The following LARP1B variants were observed in gnomAD, a reference collection of about 807,000 sequenced individuals.
LARP1B encodes the protein la-related protein 1B.
LARP1B carries 76 observed loss-of-function variants against 114.2 expected under a neutral mutation model. The ratio of observed to expected loss-of-function variants is 0.67; its 90% CI spans 0.55 to 0.81. The LOEUF is 0.81. Ranked by LOEUF, LARP1B falls within the 30% of genes least tolerant of loss-of-function variation. LARP1B has a pLI of 0.00. For missense variants in LARP1B, 1,014 were observed against 1,075.8 expected (o/e 0.94, Z 0.80); for synonymous variants, 345 against 348.0 (o/e 0.99, Z 0.10).
intron 11 of LARP1B, among the ~76,000 whole-genome samples, chr4:128,131,110 T>C (rs778166206): frequency 1.3e-5 from 2 of 152,186 alleles, no homozygotes; most frequent in African/African-American, 2.4e-5. Context: ...ATACATGTCA[T>C]TGTACACTTC....
At chr4:128,147,921 C>CT (rs1041090387) in intron 11 of LARP1B, among the ~76,000 whole-genome samples, 1 of 151,736 alleles carries the variant, frequency 6.6e-6, no homozygotes, top group African/African-American at 2.4e-5. Context: ...GAGTTTACAA[C>CT]TTTTTTTTGA....
At chr4:128,075,584 A>G (rs917993436) in intron 3 of LARP1B, among the ~76,000 whole-genome samples, 3 of 140,112 alleles carry the variant, frequency 2.1e-5, no homozygotes, top group Admixed American at 7.3e-5. Flanking sequence ...GTCTCACTCC[A>G]TTACCCAGGC....
chr4:128,063,030 T>C (rs1760888141), intron 1 of LARP1B, among the ~76,000 whole-genome samples: 1 of 152,212 alleles, frequency 6.6e-6, no homozygotes, highest in Admixed American at 6.5e-5. Flanking sequence ...TTGTCAGCTC[T>C]CCTTCCCTTT....
chr4:128,219,733 C>T (rs1381934461), intron 6 of LARP1B, among the ~76,000 whole-genome samples: 2 of 147,614 alleles, frequency 1.4e-5, no homozygotes, highest in Non-Finnish European at 3.0e-5. Flanking sequence ...CAGCATGGCA[C>T]ATGTATACAT....
chr4:128,146,187 G>A, intron 11 of LARP1B, among the ~76,000 whole-genome samples: 1 of 152,114 alleles, frequency 6.6e-6, no homozygotes, highest in Non-Finnish European at 1.5e-5. Flanking sequence ...TTGAATGTGT[G>A]GACTATGAGA....
At chr4:128,167,112 T>G (rs1741456656) in intron 12 of LARP1B, among the ~76,000 whole-genome samples, 1 of 151,244 alleles carries the variant, frequency 6.6e-6, no homozygotes, top group African/African-American at 2.4e-5. Flanking sequence ...AGTGGACTCA[T>G]ACTTTAGTTG....
chr4:128,162,055 C>T, intron 11 of LARP1B, 139 bp from the exon 12 acceptor site: 1 of 666,532 alleles, frequency 1.5e-6, no homozygotes. Flanking sequence ...ATGCTAGACT[C>T]TTTATTAGAA....
chr4:128,163,740 A>G (rs1267400554), intron 12 of LARP1B, among the ~76,000 whole-genome samples: 1 of 152,160 alleles, frequency 6.6e-6, no homozygotes, highest in East Asian at 1.9e-4. Context: ...TCATAAATAC[A>G]TGAGATGGGT....
chr4:128,201,127 G>A (rs961437863), intron 17 of LARP1B, among the ~76,000 whole-genome samples: 2 of 152,040 alleles, frequency 1.3e-5, no homozygotes, highest in Non-Finnish European at 2.9e-5. Flanking sequence ...TTTACAATAC[G>A]GTTTCACCCT....
At chr4:128,100,474 A>G (rs1481494977) in intron 8 of LARP1B, among the ~76,000 whole-genome samples, 1 of 150,116 alleles carries the variant, frequency 6.7e-6, no homozygotes, top group African/African-American at 2.5e-5. Context: ...GGGTTTCACC[A>G]TGTTGGCCAG....
chr4:128,084,496 G>A (rs1772486505), intron 5 of LARP1B, among the ~76,000 whole-genome samples: 1 of 152,164 alleles, frequency 6.6e-6, no homozygotes, highest in Non-Finnish European at 1.5e-5. Flanking sequence ...GTGGTGGCGC[G>A]CGCCTGCAAT....
At chr4:128,174,087 C>A (rs1744936532) in intron 12 of LARP1B, among the ~76,000 whole-genome samples, 1 of 152,074 alleles carries the variant, frequency 6.6e-6, no homozygotes, top group Admixed American at 6.6e-5. Flanking sequence ...TTGCATGTAT[C>A]AGTAACTTTC....
intron 15 of LARP1B, among the ~76,000 whole-genome samples, chr4:128,188,168 G>A (rs984639958): frequency 6.6e-6 from 1 of 151,328 alleles, no homozygotes; most frequent in Non-Finnish European, 1.5e-5. Flanking sequence ...TCCGCCTCCC[G>A]GGTTCAAGTG....
intron 12 of LARP1B, among the ~76,000 whole-genome samples, chr4:128,172,157 A>C (rs970202410): frequency 6.6e-6 from 1 of 151,562 alleles, no homozygotes; most frequent in Non-Finnish European, 1.5e-5. Context: ...ATTTTTTTTC[A>C]ATTTCTTTTT....
intron 10 of LARP1B, among the ~76,000 whole-genome samples, chr4:128,116,215 T>C (rs1186787177): frequency 6.6e-6 from 1 of 152,206 alleles, no homozygotes; most frequent in Non-Finnish European, 1.5e-5. Context: ...ACATATGTGA[T>C]AGGATTGCTT....
intron 15 of LARP1B, among the ~76,000 whole-genome samples, chr4:128,198,386 T>G (rs1052208996): frequency 6.6e-6 from 1 of 152,236 alleles, no homozygotes; most frequent in African/African-American, 2.4e-5. Flanking sequence ...ATTTCATGTT[T>G]GTCACACACA....
chr4:128,145,278 G>A (rs1182383249), intron 11 of LARP1B, among the ~76,000 whole-genome samples: 8 of 152,096 alleles, frequency 5.3e-5, no homozygotes, highest in African/African-American at 1.4e-4. Flanking sequence ...TTATTCTCTA[G>A]ACTCGAGTGT....
chr4:128,112,950 A>G (rs1377544881), intron 9 of LARP1B, among the ~76,000 whole-genome samples: 1 of 152,220 alleles, frequency 6.6e-6, no homozygotes, highest in East Asian at 1.9e-4. Context: ...ATGTAGATGA[A>G]TGTAAAATCT....
chr4:128,208,987 C>T (rs1758339720), intron 19 of LARP1B, among the ~76,000 whole-genome samples: 2 of 152,204 alleles, frequency 1.3e-5, no homozygotes, highest in South Asian at 4.1e-4. Flanking sequence ...ACTGGAAATA[C>T]AAATCCTTTA....
Sources: gnomAD v4.1 joint callset for allele counts (sites outside exome capture counted in the v4.1 genomes callset) on GRCh38, gnomAD v4.1.1 for gene constraint, MANE v1.5 for transcripts, NCBI Gene and HGNC (gene_info 2026-07-23, HGNC 2026-07-21) for gene names.